The following KCNH8 variants were observed in gnomAD, a reference collection of about 807,000 sequenced individuals.
KCNH8 encodes the protein potassium voltage-gated channel subfamily H member 8.
A neutral mutation model predicts 103.6 loss-of-function variants in KCNH8; 70 were observed. The ratio of observed to expected loss-of-function variants is 0.68; its 90% CI spans 0.56 to 0.82. The LOEUF (loss-of-function observed/expected upper bound fraction) is 0.82, where lower values mean the gene tolerates loss of function less well. Among genes scored for constraint, KCNH8 ranks in the 40% least tolerant of loss-of-function variants. The pLI is 0.00. For synonymous variants in KCNH8, 498 were observed against 489.4 expected, an observed-to-expected ratio of 1.02 and a Z score of -0.23; for missense variants, 1,217 against 1,329.9, an observed-to-expected ratio of 0.92 and a Z score of 1.32.
At position 19,492,129 on chromosome 3, in the gene KCNH8, G is replaced by A. The variant is rs879167265; in HGVS notation, c.2041-18234G>A. Among the ~76,000 whole-genome samples, 15 of 151,992 alleles carry A rather than the reference G, an allele frequency of 9.9e-5. 1 individual carries two copies. Among genetic ancestry groups the A allele is most frequent in the Admixed American group, 8.5e-4 (13 of 15,264 alleles). On this transcript the variant is annotated intron_variant, in intron 11 of 15. Transcript: ENST00000328405. The stretch of plus-strand genomic sequence containing the variant: ...TTTTATCCCATTTTGTCAGTTGTCT[G>A]TTTACTCTCTTGATAGTTTCTTTTG...
intron 3 of KCNH8, among the ~76,000 whole-genome samples, chr3:19,289,625 G>A (rs1315978692): frequency 2.6e-5 from 4 of 152,258 alleles, no homozygotes; most frequent in Admixed American, 1.3e-4. Context: ...TTTGGTTACC[G>A]TAGCCTTGTA....
At chr3:19,373,521 T>A (rs1196171904) in intron 5 of KCNH8, among the ~76,000 whole-genome samples, 2 of 152,234 alleles carry the variant, frequency 1.3e-5, no homozygotes, top group Non-Finnish European at 2.9e-5. Context: ...TTAGTCTTGC[T>A]AGCGGTCTAT....
intron 11 of KCNH8, among the ~76,000 whole-genome samples, chr3:19,485,978 CTTACTT>C (rs2068199094): frequency 6.6e-6 from 1 of 152,180 alleles, no homozygotes; most frequent in African/African-American, 2.4e-5. Flanking sequence ...TGTTTACAGT[CTTACTT>C]TTACTGAGTT....
chr3:19,393,796 C>A (rs2066473379), intron 6 of KCNH8, among the ~76,000 whole-genome samples: 1 of 151,996 alleles, frequency 6.6e-6, no homozygotes, highest in South Asian at 2.1e-4. Context: ...TCTTCAAGCG[C>A]CCTTAAGAGT....
intron 1 of KCNH8, among the ~76,000 whole-genome samples, chr3:19,154,487 C>T (rs1271966349): frequency 1.3e-5 from 2 of 152,190 alleles, no homozygotes; most frequent in Non-Finnish European, 2.9e-5. Flanking sequence ...CCAAAATGCT[C>T]AACCTTCCCA....
At chr3:19,289,870 A>G (rs1191321633) in intron 3 of KCNH8, among the ~76,000 whole-genome samples, 1 of 152,108 alleles carries the variant, frequency 6.6e-6, no homozygotes, top group Non-Finnish European at 1.5e-5. Flanking sequence ...GATTCTTCCT[A>G]CCCATGAGCA....
chr3:19,279,284 C>T (rs2064722237), intron 2 of KCNH8, among the ~76,000 whole-genome samples: 2 of 152,114 alleles, frequency 1.3e-5, no homozygotes, highest in Non-Finnish European at 2.9e-5. Context: ...GGGTATGGCT[C>T]ATTTATGAGG....
chr3:19,499,029 T>C (rs1387638792), intron 11 of KCNH8, among the ~76,000 whole-genome samples: 1 of 151,980 alleles, frequency 6.6e-6, no homozygotes, highest in Admixed American at 6.6e-5. Context: ...GGAAAAGAAG[T>C]TGAGAACTTT....
intron 1 of KCNH8, among the ~76,000 whole-genome samples, chr3:19,166,637 G>C (rs17005714): frequency 0.054 from 8,233 of 152,208 alleles, 708 homozygotes; most frequent in African/African-American, 0.18. Context: ...GTTAAAGGAG[G>C]CAAATTTGAT....
rs2063875898 is a variant in KCNH8, at chr3:19,221,653, C to A, written c.77-32001C>A. Reference sequence around the variant, plus strand: ...TGTCCCTTCTACAGCCTTATCAATTCTCTTTAATTTGTTAAATTTTGACAA... The same window carrying A: ...TGTCCCTTCTACAGCCTTATCAATTATCTTTAATTTGTTAAATTTTGACAA... On this transcript the variant is annotated intron_variant, in intron 1 of 15. Coordinates refer to ENST00000328405, the MANE Select transcript of KCNH8 (RefSeq NM_144633.3). Among the ~76,000 whole-genome samples the A allele has an allele frequency of 3.9e-5, 6 of 152,002 alleles. 1 individual carries two copies. The South Asian group carries it at 1.2e-3, about 32-fold the overall frequency.
At chr3:19,426,157 A>G (rs944634798) in intron 7 of KCNH8, among the ~76,000 whole-genome samples, 3 of 151,612 alleles carry the variant, frequency 2.0e-5, no homozygotes, top group African/African-American at 4.9e-5. Context: ...CCCTGATGCT[A>G]CTCCCTTGGT....
chr3:19,183,584 GACTA>G (rs1239030214), intron 1 of KCNH8, among the ~76,000 whole-genome samples: 4 of 152,068 alleles, frequency 2.6e-5, no homozygotes, highest in Admixed American at 6.6e-5. Flanking sequence ...ACTAAAATTT[GACTA>G]ACTATAAAGA....
At chr3:19,496,728 A>C (rs189710046) in intron 11 of KCNH8, among the ~76,000 whole-genome samples, 1 of 152,006 alleles carries the variant, frequency 6.6e-6, no homozygotes, top group African/African-American at 2.4e-5. Flanking sequence ...GAAGGAGTCT[A>C]TCCTCCTCAA....
intron 11 of KCNH8, among the ~76,000 whole-genome samples, chr3:19,504,611 C>T (rs544114884): frequency 2.5e-4 from 38 of 152,092 alleles, no homozygotes; most frequent in African/African-American, 8.7e-4. Context: ...TAGAGAAATG[C>T]AAATCAAAAC....
chr3:19,259,065 A>G (rs1246779225), intron 2 of KCNH8, among the ~76,000 whole-genome samples: 2 of 149,232 alleles, frequency 1.3e-5, no homozygotes, highest in East Asian at 2.0e-4. Flanking sequence ...ACAACTATTT[A>G]TTTTAAAAGA....
chr3:19,281,354 T>C (rs903819434), intron 3 of KCNH8, 25 bp downstream of exon 3: 1 of 1,566,784 alleles, frequency 6.4e-7, no homozygotes, highest in African/African-American at 1.4e-5. Context: ...CAGAAAACAT[T>C]GACAGATGGA....
intron 7 of KCNH8, among the ~76,000 whole-genome samples, chr3:19,435,029 A>T (rs1274529319): frequency 6.6e-6 from 1 of 152,136 alleles, no homozygotes; most frequent in African/African-American, 2.4e-5. Flanking sequence ...AATAAATCTT[A>T]AATGTTCTCA....
At chr3:19,297,749 C>G (rs2065014467) in intron 3 of KCNH8, among the ~76,000 whole-genome samples, 1 of 152,108 alleles carries the variant, frequency 6.6e-6, no homozygotes, top group African/African-American at 2.4e-5. Flanking sequence ...TCACACATAA[C>G]CAAAAACAGA....
At chr3:19,342,367 G>A (rs968063376) in intron 3 of KCNH8, among the ~76,000 whole-genome samples, 15 of 151,904 alleles carry the variant, frequency 9.9e-5, no homozygotes, top group Admixed American at 5.9e-4. Context: ...GTTCATGTAC[G>A]TTTTACTTTA....
Sources: allele counts gnomAD v4.1 joint callset (sites outside exome capture counted in the v4.1 genomes callset), GRCh38; gene constraint gnomAD v4.1.1; transcripts MANE v1.5; gene names NCBI Gene and HGNC (gene_info 2026-07-23, HGNC 2026-07-21).